TOPBP1: variants seen among roughly 807,000 people sequenced by gnomAD.
TOPBP1 encodes the protein DNA topoisomerase 2-binding protein 1.
TOPBP1 carries 28 observed loss-of-function variants against 167.7 expected under a neutral mutation model. That is an observed-to-expected ratio of 0.17 (90% confidence interval 0.12 to 0.23). The LOEUF (loss-of-function observed/expected upper bound fraction) is 0.23. Ranked by LOEUF, TOPBP1 falls within the 10% of genes least tolerant of loss-of-function variation. TOPBP1 has a pLI of 1.00. For missense variants in TOPBP1, 1,554 were observed against 1,809.6 expected (o/e 0.86, Z 2.56); for synonymous variants, 598 against 611.4 (o/e 0.98, Z 0.32).
intron 19 of TOPBP1, among the ~76,000 whole-genome samples, chr3:133,622,016 G>A (rs1935103605): frequency 6.6e-6 from 1 of 150,768 alleles, no homozygotes; most frequent in Non-Finnish European, 1.5e-5. Flanking sequence ...AGGAAGGGAA[G>A]AGGGAAAGGA....
chr3:133,656,927 C>A, intron 4 of TOPBP1, 70 bp from the exon 5 acceptor site: 1 of 1,328,112 alleles, frequency 7.5e-7, no homozygotes, highest in South Asian at 2.2e-5. Context: ...TACACTATCT[C>A]ATAAATACAT....
At chr3:133,642,103 C>T (rs1489356919) in intron 12 of TOPBP1, among the ~76,000 whole-genome samples, 1 of 152,112 alleles carries the variant, frequency 6.6e-6, no homozygotes, top group Non-Finnish European at 1.5e-5. Context: ...AATCCTCCTG[C>T]CTTAGCCTCC....
At position 133,628,688 on chromosome 3, in the gene TOPBP1, T is replaced by C. The variant is rs188983820; in HGVS notation, c.2566A>G (p.Lys856Glu). The change falls in exon 15 of 28, where the codon AAA becomes GAA. Residue 856 changes from lysine to glutamate, a missense_variant. By Grantham distance (56) the Lys-to-Glu change is moderately conservative. Around this residue, in one of 3 missense-constraint regions of TOPBP1, gnomAD observed 1,197 missense variants for 1,351.5 expected, o/e 0.89. Coordinates refer to ENST00000260810, the MANE Select transcript of TOPBP1 (RefSeq NM_007027.4). ...GAGAGTGGCGTACTCGGTTTCCTTTTCTGTTGGCTGGGACGTCCTGGAGTT... is the reference window on the plus strand; with the variant it reads ...GAGAGTGGCGTACTCGGTTTCCTTTCCTGTTGGCTGGGACGTCCTGGAGTT... The part of the protein sequence containing the change: ...LETPGRPSQQ[K>E]RKPSTPLSEV... 23 of 1,558,964 alleles carry C rather than the reference T, an allele frequency of 1.5e-5. No homozygotes were observed. The highest frequency in any genetic ancestry group is 5.8e-5 in the Admixed American group (3 of 51,592).
At chr3:133,608,805 C>G in intron 26 of TOPBP1, 68 bp downstream of exon 26, 1 of 1,563,912 alleles carries the variant, frequency 6.4e-7, no homozygotes, top group Non-Finnish European at 8.7e-7. Flanking sequence ...AAATGAAGAA[C>G]TCATCATAGC....
intron 20 of TOPBP1, among the ~76,000 whole-genome samples, chr3:133,618,791 G>A (rs565148685): frequency 2.6e-5 from 4 of 152,182 alleles, no homozygotes; most frequent in Admixed American, 2.6e-4. Context: ...TAGGGAAACA[G>A]GGTAATGTTT....
chr3:133,643,137 C>A, intron 12 of TOPBP1, 63 bp downstream of exon 12: 1 of 1,410,812 alleles, frequency 7.1e-7, no homozygotes, highest in South Asian at 1.8e-5. Context: ...GAATGCTCTC[C>A]AAGAAGTCAA....
At chr3:133,659,504 C>A (rs866411133) in intron 2 of TOPBP1, among the ~76,000 whole-genome samples, 1 of 152,200 alleles carries the variant, frequency 6.6e-6, no homozygotes, top group East Asian at 1.9e-4. Flanking sequence ...TCCTACTTCT[C>A]ATCTCTCTTG....
In TOPBP1 at chr3:133,623,414, T is replaced by C; in HGVS notation, c.2972A>G (p.His991Arg). ...CAAGCTCATTTTGGGATTATAAGTA[T>C]GTGGATAAAGAGATTCAGGAAGATG... is the stretch of plus-strand genomic sequence containing the variant. ...CKHLPESLYPHTYNPKMSLDI... is the reference protein window; with the variant it reads ...CKHLPESLYPRTYNPKMSLDI... The change falls in exon 18 of 28, where the codon CAT becomes CGT. Residue 991 changes from histidine to arginine, a missense_variant. Coordinates refer to ENST00000260810, the MANE Select transcript of TOPBP1 (RefSeq NM_007027.4). The C allele has an allele frequency of 1.2e-6, 2 of 1,612,956 alleles. No homozygotes were observed. Among genetic ancestry groups the C allele is most frequent in the Non-Finnish European group, 1.7e-6 (2 of 1,179,432 alleles).
chr3:133,611,812 G>A (rs1424355232), intron 24 of TOPBP1, among the ~76,000 whole-genome samples: 1 of 152,104 alleles, frequency 6.6e-6, no homozygotes, highest in African/African-American at 2.4e-5. Flanking sequence ...TAGAGACAGG[G>A]TCTTGATTTG....
intron 14 of TOPBP1, among the ~76,000 whole-genome samples, chr3:133,629,037 T>C (rs1362414318): frequency 1.3e-5 from 2 of 152,102 alleles, no homozygotes; most frequent in African/African-American, 4.8e-5. Context: ...ACCTGAATCT[T>C]AGAGTTGAAT....
Position 133,624,112 on chromosome 3 carries a change from C to G in TOPBP1, c.2868G>C (p.Arg956=). ...CTCTTTCTTTTACAGATTTATACTC[C>G]CGATTAGTGTCATTTGGCCGCCCTT... ...IYQGRPNDTN[R]EYKSVKERGV... is the part of the protein sequence containing the mutation. Residue 956 remains arginine, a synonymous_variant, in exon 17 of 28, where the codon CGG becomes CGC. Coordinates refer to ENST00000260810, the MANE Select transcript of TOPBP1 (RefSeq NM_007027.4). The G allele has an allele frequency of 6.2e-7, 1 of 1,613,716 alleles. No individual in the cohort carries two copies. The highest frequency in any genetic ancestry group is 2.2e-5 in the East Asian group (1 of 44,854).
intron 11 of TOPBP1, 121 bp downstream of exon 11, chr3:133,643,899 C>G: frequency 9.4e-7 from 1 of 1,063,324 alleles, no homozygotes; most frequent in South Asian, 1.8e-5. Context: ...AAAGCAAAAT[C>G]AAGAGTGTTC....
In TOPBP1 at chr3:133,611,097, C is replaced by A; in HGVS notation, c.4080G>T (p.Leu1360=). 6.2e-7 allele frequency: 1 copy of A among 1,613,156 alleles called. No individual in the cohort carries two copies. Among genetic ancestry groups the A allele is most frequent in the Non-Finnish European group, 8.5e-7 (1 of 1,179,448 alleles). ...EWGSSSILDV[L]TGINVQQRRL... ...TTCGTTGCTGTACATTGATTCCAGT[C>A]AGAACATCAAGTATGGAACTACTTC... The change falls in exon 25 of 28, where the codon CTG becomes CTT. Residue 1360 remains leucine (L), a synonymous_variant. Coordinates refer to ENST00000260810, the MANE Select transcript of TOPBP1 (RefSeq NM_007027.4).
intron 7 of TOPBP1, among the ~76,000 whole-genome samples, 200 bp downstream of exon 7, chr3:133,653,145 G>GCATT (rs1222012553): frequency 5.9e-5 from 9 of 152,074 alleles, no homozygotes; most frequent in African/African-American, 2.2e-4. Flanking sequence ...ATAAAAGACA[G>GCATT]CATTCATTCA....
chr3:133,611,937 T>TA (rs1382084510), intron 24 of TOPBP1, among the ~76,000 whole-genome samples: 1 of 152,096 alleles, frequency 6.6e-6, no homozygotes, highest in African/African-American at 2.4e-5. Context: ...GGAGTCTTGC[T>TA]ATGTTTCCCA....
chr3:133,631,590 T>C lies in TOPBP1; in HGVS notation c.2521-2857A>G, dbSNP rs867186803. Among the ~76,000 whole-genome samples, 8 of 152,168 alleles carry C rather than the reference T, an allele frequency of 5.3e-5. No individual in the cohort carries two copies. The East Asian group carries it at 1.3e-3, about 26-fold the overall frequency. On this transcript the variant is annotated intron_variant, in intron 14 of 27. Coordinates refer to ENST00000260810, the MANE Select transcript of TOPBP1 (RefSeq NM_007027.4). ...TGATGGAGGAGGAGCCTGGTGGCAG[T>C]TGACTGGATTATGGGGGCGGATTTC...
intron 8 of TOPBP1, 35 bp from the exon 9 acceptor site, chr3:133,649,978 GCTTT>G (rs1347037092): frequency 4.7e-6 from 7 of 1,473,692 alleles, no homozygotes; most frequent in East Asian, 2.5e-5. Context: ...TACATAACAT[GCTTT>G]CTCTCAATAG....
chr3:133,655,277 A>G lies in TOPBP1; in HGVS notation c.742+13T>C, dbSNP rs749448374. 64 of 1,371,862 alleles carry G rather than the reference A, an allele frequency of 4.7e-5. No homozygotes were observed. Among genetic ancestry groups the G allele is most frequent in the Non-Finnish European group, 5.9e-5 (62 of 1,053,552 alleles). 85.0% of individuals were successfully genotyped at this position (1,371,862 alleles called of 1,614,324 possible). A position where few individuals can be genotyped will look rare whatever the true frequency, so the allele number is the denominator to read the frequency against. On this transcript the variant is annotated intron_variant, in intron 6 of 27. Coordinates refer to ENST00000260810, the MANE Select transcript of TOPBP1 (RefSeq NM_007027.4). ...AAATGTTTCATTTGTCCCTTTGTGA[A>G]ACACAGTTTTACCTTTTGGTTCTTG... is the stretch of plus-strand genomic sequence containing the variant.
chr3:133,650,081 A>T, intron 8 of TOPBP1, 138 bp from the exon 9 acceptor site: 3 of 747,728 alleles, frequency 4.0e-6, no homozygotes, highest in Non-Finnish European at 5.7e-6. Flanking sequence ...TACATTCTGA[A>T]ACTTTTGATT....
Sources: gnomAD v4.1 joint callset for allele counts (sites outside exome capture counted in the v4.1 genomes callset) on GRCh38, gnomAD v4.1.1 for gene constraint, gnomAD v4.1.1 regional missense constraint, MANE v1.5 for transcripts, NCBI Gene and HGNC (gene_info 2026-07-23, HGNC 2026-07-21) for gene names.